NSUN2: variants seen among roughly 807,000 people sequenced by gnomAD.
NSUN2 encodes the protein NOP2/Sun RNA methyltransferase 2.
A neutral mutation model predicts 92.7 loss-of-function variants in NSUN2; 63 were observed. The observed-to-expected ratio is 0.68, with a 90% CI of 0.56 to 0.84. The LOEUF is 0.84. Ranked by LOEUF, NSUN2 falls within the 40% of genes least tolerant of loss-of-function variation. The pLI, the probability that NSUN2 is intolerant of heterozygous loss-of-function variation, is 0.00. For synonymous variants in NSUN2, 356 were observed against 348.3 expected, an observed-to-expected ratio of 1.02 and a Z score of -0.25; for missense variants, 989 against 964.9, an observed-to-expected ratio of 1.02 and a Z score of -0.33.
rs776806036 is a variant in NSUN2, at chr5:6,604,290, G to C, written c.1819-14C>G. On this transcript the variant is annotated splice_polypyrimidine_tract_variant and intron_variant, in intron 16 of 18. Transcript: ENST00000264670. ...TGTATATATTCCCTGTGTGAATAAA[G>C]AGAATGAGAGAACAGATACCATGAT... 7.0e-6 allele frequency: 11 copies of C among 1,580,834 alleles called. No homozygotes were observed. Among genetic ancestry groups the C allele is most frequent in the South Asian group, 3.4e-5 (3 of 88,814 alleles).
chr5:6,607,337 A>C lies in NSUN2; in HGVS notation c.1371T>G (p.Pro457=). Residue 457 remains proline (P), a synonymous_variant, in exon 13 of 19, where the codon CCT becomes CCG. Transcript: ENST00000264670. ...AETRESTQLS[P]ADLTEGKPTD... ...TGGGTTTCCCTTCTGTGAGATCTGC[A>C]GGGCTCAGCTGTGTGCTTTCTCTGG... 1.2e-6 allele frequency: 2 copies of C among 1,614,174 alleles called. No homozygotes were observed. Among genetic ancestry groups the C allele is most frequent in the Non-Finnish European group, 1.7e-6 (2 of 1,180,034 alleles).
chr5:6,630,635 G>A (rs1174668590), intron 3 of NSUN2, among the ~76,000 whole-genome samples: 1 of 152,204 alleles, frequency 6.6e-6, no homozygotes, highest in African/African-American at 2.4e-5. Context: ...ATGCTTATCT[G>A]TGATAGGGAC....
intron 14 of NSUN2, among the ~76,000 whole-genome samples, chr5:6,606,241 G>A (rs544915840): frequency 1.9e-4 from 29 of 152,178 alleles, no homozygotes; most frequent in Non-Finnish European, 4.1e-4. Flanking sequence ...GAGTAATTTA[G>A]GTTCAGGATC....
chr5:6,629,327 G>C (rs1050425071), intron 3 of NSUN2, among the ~76,000 whole-genome samples: 4 of 152,204 alleles, frequency 2.6e-5, no homozygotes, highest in Non-Finnish European at 5.9e-5. Context: ...TCAAATCCAA[G>C]TGTAACTGTA....
At chr5:6,616,428 G>A (rs555521750) in intron 9 of NSUN2, among the ~76,000 whole-genome samples, 4 of 152,282 alleles carry the variant, frequency 2.6e-5, no homozygotes, top group South Asian at 4.1e-4. Context: ...GTATGATTCC[G>A]CTTCTGTGAG....
rs61120603 is a variant in NSUN2, at chr5:6,623,332, A to AC, written c.466-48dup. 2.1e-5 allele frequency: 32 copies of AC among 1,512,250 alleles called. No individual in the cohort carries two copies. In the Admixed American group the frequency reaches 3.8e-4, roughly 18 times the overall value. 93.7% of individuals were successfully genotyped at this position (1,512,250 alleles called of 1,614,324 possible). A position where few individuals can be genotyped will look rare whatever the true frequency, so the allele number is the denominator to read the frequency against. ...AGCAACAATTAGGAAAAAAAAAAAA[A>AC]CCGCAGACAATTTCAATCTTTGGCA... On this transcript the variant is annotated intron_variant, in intron 4 of 18. Transcript: ENST00000264670.
intron 3 of NSUN2, among the ~76,000 whole-genome samples, chr5:6,626,150 C>G (rs1011945829): frequency 1.3e-5 from 2 of 152,038 alleles, no homozygotes; most frequent in African/African-American, 2.4e-5. Context: ...AACACCAGTT[C>G]AATAATGCAC....
Position 6,632,875 on chromosome 5 carries a change from G to A in NSUN2, c.96+9C>T, listed in dbSNP as rs1470822023. On this transcript the variant is annotated intron_variant, in intron 1 of 18. Coordinates refer to ENST00000264670, the MANE Select transcript of NSUN2 (RefSeq NM_017755.6). Reference sequence around the variant, plus strand: ...GCCCCTGGCCCGCCCGCCGGGTCCCGGCTCCTACCGCCTCGCCGCGCTTTC... The same window carrying A: ...GCCCCTGGCCCGCCCGCCGGGTCCCAGCTCCTACCGCCTCGCCGCGCTTTC... The A allele has an allele frequency of 4.6e-6, 7 of 1,534,282 alleles. No individual in the cohort carries two copies. Among genetic ancestry groups the A allele is most frequent in the Middle Eastern group, 2.3e-4 (1 of 4,348 alleles).
At chr5:6,608,844 T>G (rs3776439) in intron 12 of NSUN2, among the ~76,000 whole-genome samples, 1 of 152,072 alleles carries the variant, frequency 6.6e-6, no homozygotes, top group Non-Finnish European at 1.5e-5. Context: ...TATGAATGAA[T>G]GCAAAGTATC....
At chr5:6,622,460 T>C (rs1467793216) in intron 5 of NSUN2, among the ~76,000 whole-genome samples, 1 of 152,210 alleles carries the variant, frequency 6.6e-6, no homozygotes, top group Non-Finnish European at 1.5e-5. Flanking sequence ...TACTTCTCCT[T>C]GCTTCCTTTT....
intron 12 of NSUN2, among the ~76,000 whole-genome samples, chr5:6,608,936 A>G (rs538435327): frequency 2.2e-4 from 33 of 152,262 alleles, no homozygotes; most frequent in Non-Finnish European, 4.4e-4. Context: ...TGAGACTTTT[A>G]GCCTCAAAGT....
intron 9 of NSUN2, among the ~76,000 whole-genome samples, chr5:6,612,311 A>G (rs77267443): frequency 0.018 from 2,797 of 151,986 alleles, 86 homozygotes; most frequent in African/African-American, 0.064. Context: ...TCACGCAGGC[A>G]TGTCTAACAA....
chr5:6,605,442 G>A (rs1215106507), intron 14 of NSUN2, 34 bp from the exon 15 acceptor site: 2 of 1,608,158 alleles, frequency 1.2e-6, no homozygotes, highest in Non-Finnish European at 8.5e-7. Flanking sequence ...TATCCACAAT[G>A]AGTTCAAAAT....
At chr5:6,622,449 G>A (rs1334581892) in intron 5 of NSUN2, among the ~76,000 whole-genome samples, 2 of 152,184 alleles carry the variant, frequency 1.3e-5, no homozygotes, top group African/African-American at 4.8e-5. Flanking sequence ...CTCAGTTCAA[G>A]TACTTCTCCT....
chr5:6,606,720 A>AGAACTAC (rs1736789342), intron 14 of NSUN2, 100 bp downstream of exon 14: 1 of 615,444 alleles, frequency 1.6e-6, no homozygotes, highest in African/African-American at 1.9e-5. Flanking sequence ...AAAGCTAGAC[A>AGAACTAC]GAACTACATA....
Position 6,599,707 on chromosome 5 carries a change from C to A in NSUN2, c.*219G>T. On this transcript the variant is annotated 3_prime_UTR_variant, in exon 19 of 19. Coordinates refer to ENST00000264670, the MANE Select transcript of NSUN2 (RefSeq NM_017755.6). ...GCTTGGCCAAAGAAACAAAATAAAA[C>A]AAGTGATTTCTAACACGCTAAAAGA... 3.9e-6 allele frequency: 2 copies of A among 510,382 alleles called. No individual in the cohort carries two copies. The highest frequency in any genetic ancestry group is 3.1e-5 in the East Asian group (1 of 32,748). 31.6% of individuals were successfully genotyped at this position (510,382 alleles called of 1,614,324 possible).
At chr5:6,610,639 G>C (rs369936331) in intron 11 of NSUN2, among the ~76,000 whole-genome samples, 2 of 150,056 alleles carry the variant, frequency 1.3e-5, no homozygotes, top group East Asian at 3.9e-4. Flanking sequence ...AGCCGAGATC[G>C]AGCTACTACA....
intron 14 of NSUN2, 60 bp from the exon 15 acceptor site, chr5:6,605,468 T>G: frequency 1.3e-6 from 2 of 1,558,188 alleles, no homozygotes; most frequent in Non-Finnish European, 1.8e-6. Flanking sequence ...AGACTGTTTC[T>G]AAACATCTTA....
rs937555588 is a variant in NSUN2, at chr5:6,622,864, AAAG to A, written c.537+347_537+349del. On this transcript the variant is annotated intron_variant, in intron 5 of 18. Coordinates refer to ENST00000264670, the MANE Select transcript of NSUN2 (RefSeq NM_017755.6). ...CTCCATCTCAAAAAAAAAAAAAAGAAAAGAAAAAAGAGCACAGAGTAATGCTTG... is the reference window on the plus strand; with the variant it reads ...CTCCATCTCAAAAAAAAAAAAAAGAAAAAAAAGAGCACAGAGTAATGCTTG... Among the ~76,000 whole-genome samples, 3 of 144,982 alleles carry A rather than the reference AAAG, an allele frequency of 2.1e-5. No individual in the cohort carries two copies. In the Admixed American group the frequency reaches 2.1e-4, roughly 10 times the overall value.
Sources: gnomAD v4.1 joint callset for allele counts (sites outside exome capture counted in the v4.1 genomes callset) on GRCh38, gnomAD v4.1.1 for gene constraint, MANE v1.5 for transcripts, NCBI Gene and HGNC (gene_info 2026-07-23, HGNC 2026-07-21) for gene names.